SKAP1: variants seen among roughly 807,000 people sequenced by gnomAD.
The protein encoded by SKAP1 is src kinase associated phosphoprotein 1, also known as src kinase-associated phosphoprotein 1.
In SKAP1, 44 loss-of-function variants were observed where a neutral mutation model predicts 58.5. The observed-to-expected ratio is 0.75, with a 90% CI of 0.59 to 0.97. The LOEUF (loss-of-function observed/expected upper bound fraction) is 0.97, where lower values mean the gene tolerates loss of function less well. Among genes scored for constraint, SKAP1 ranks in the 50% least tolerant of loss-of-function variants. SKAP1 has a pLI of 0.00. For synonymous variants in SKAP1, 127 were observed against 149.7 expected (o/e 0.85, Z 1.11); for missense variants, 390 against 435.2 (o/e 0.90, Z 0.92).
intron 9 of SKAP1, among the ~76,000 whole-genome samples, chr17:48,172,653 C>A (rs1381829179): frequency 2.0e-5 from 3 of 152,158 alleles, no homozygotes; most frequent in Non-Finnish European, 4.4e-5. Context: ...ACTTTCCTTT[C>A]TCCTGAGTCT....
At chr17:48,281,699 T>C (rs2065768870) in intron 4 of SKAP1, among the ~76,000 whole-genome samples, 1 of 152,152 alleles carries the variant, frequency 6.6e-6, no homozygotes, top group South Asian at 2.1e-4. Context: ...AAACTTCTCT[T>C]ACCCATAAGT....
chr17:48,200,386 T>C (rs66683298), intron 4 of SKAP1, among the ~76,000 whole-genome samples: 80,431 of 151,622 alleles, frequency 0.53, 23,100 homozygotes, highest in East Asian at 0.77. Flanking sequence ...TTCTTTCTTT[T>C]TTTTTTTGAG....
intron 11 of SKAP1, among the ~76,000 whole-genome samples, chr17:48,138,243 C>T (rs1275535721): frequency 6.6e-6 from 1 of 151,294 alleles, no homozygotes; most frequent in East Asian, 1.9e-4. Flanking sequence ...CTCGCACTGT[C>T]GCCCAGGCTG....
At chr17:48,436,751 T>C in the SKAP1 span, among the ~76,000 whole-genome samples, 2 of 152,100 alleles carry the variant, frequency 1.3e-5, no homozygotes, top group African/African-American at 4.8e-5. Flanking sequence ...TCTCATGTCC[T>C]TTCTCCTCCG....
intron 4 of SKAP1, among the ~76,000 whole-genome samples, chr17:48,335,219 A>G (rs1435550607): frequency 6.6e-6 from 1 of 151,964 alleles, no homozygotes; most frequent in Non-Finnish European, 1.5e-5. Flanking sequence ...CCATATTTTC[A>G]TCAGAATGTG....
chr17:48,341,260 C>A (rs1270231485), intron 4 of SKAP1, among the ~76,000 whole-genome samples: 1 of 152,152 alleles, frequency 6.6e-6, no homozygotes, highest in African/African-American at 2.4e-5. Context: ...AAATTTAAGA[C>A]AAACTTGAAC....
intron 4 of SKAP1, among the ~76,000 whole-genome samples, chr17:48,202,544 C>A (rs1427149696): frequency 6.6e-6 from 1 of 152,100 alleles, no homozygotes; most frequent in African/African-American, 2.4e-5. Flanking sequence ...AAAGAAGTTA[C>A]AAATTCTAGA....
chr17:48,378,573 G>A (rs930062865), intron 2 of SKAP1, among the ~76,000 whole-genome samples: 1 of 151,886 alleles, frequency 6.6e-6, no homozygotes, highest in Non-Finnish European at 1.5e-5. Context: ...CCCGGCTCCC[G>A]TTCACACTCC....
intron 1 of SKAP1, among the ~76,000 whole-genome samples, chr17:48,414,035 T>C (rs1436324326): frequency 6.6e-6 from 1 of 152,196 alleles, no homozygotes; most frequent in Non-Finnish European, 1.5e-5. Flanking sequence ...GCATTTATTC[T>C]TCAAGAAATA....
At chr17:48,190,402 G>T (rs1324999427) in intron 4 of SKAP1, among the ~76,000 whole-genome samples, 1 of 152,126 alleles carries the variant, frequency 6.6e-6, no homozygotes, top group Non-Finnish European at 1.5e-5. Context: ...GTGAGCCACT[G>T]CGCCCAGCCA....
chr17:48,167,248 A>G (rs553990145), intron 10 of SKAP1, among the ~76,000 whole-genome samples: 2 of 152,320 alleles, frequency 1.3e-5, no homozygotes, highest in Non-Finnish European at 2.9e-5. Context: ...GAGGAGGAAG[A>G]GCAATTGGAT....
intron 4 of SKAP1, among the ~76,000 whole-genome samples, chr17:48,192,164 G>A (rs1478630826): frequency 1.4e-5 from 2 of 144,198 alleles, no homozygotes; most frequent in Admixed American, 7.3e-5. Flanking sequence ...TGGGGACAGA[G>A]CGAGACTCTG....
At chr17:48,430,469 G>C (rs1051815336), upstream of SKAP1, among the ~76,000 whole-genome samples, 13 of 152,252 alleles carry the variant, frequency 8.5e-5, no homozygotes, top group African/African-American at 2.6e-4. Flanking sequence ...AAGGACCCAC[G>C]GCTTTGGACA....
At chr17:48,322,608 A>C (rs1458000559) in intron 4 of SKAP1, among the ~76,000 whole-genome samples, 1 of 152,236 alleles carries the variant, frequency 6.6e-6, no homozygotes, top group Non-Finnish European at 1.5e-5. Context: ...GTGACAGAAC[A>C]AAAGCAAAGG....
intron 2 of SKAP1, among the ~76,000 whole-genome samples, chr17:48,386,089 G>C (rs904380343): frequency 6.6e-6 from 1 of 151,984 alleles, no homozygotes; most frequent in African/African-American, 2.4e-5. Flanking sequence ...TGGATGCCTT[G>C]GTTCTGTCTC....
chr17:48,405,448 T>TC (rs1295010251), intron 1 of SKAP1, among the ~76,000 whole-genome samples: 4,960 of 76,642 alleles, frequency 0.065, 153 homozygotes, highest in African/African-American at 0.08. Context: ...TTTCTTTCTT[T>TC]CTTTTCTTTC....
intron 2 of SKAP1, among the ~76,000 whole-genome samples, chr17:48,387,596 T>C (rs1389997300): frequency 2.0e-5 from 3 of 152,220 alleles, no homozygotes; most frequent in African/African-American, 7.2e-5. Context: ...CCCCTGAACA[T>C]GTTTTAGTGA....
At position 48,189,410 on chromosome 17, in the gene SKAP1, G is replaced by T; in HGVS notation, c.358+13C>A. On this transcript the variant is annotated intron_variant, in intron 5 of 12. Transcript: ENST00000336915. Reference sequence around the variant, plus strand: ...TCCTGGAATGTTCTGAAATCTGTGGGTCTGACCAATACCTTTGCTTTTCTT... The same window carrying T: ...TCCTGGAATGTTCTGAAATCTGTGGTTCTGACCAATACCTTTGCTTTTCTT... 6.3e-7 allele frequency: 1 copy of T among 1,599,966 alleles called. No individual in the cohort carries two copies. The highest frequency in any genetic ancestry group is 8.5e-7 in the Non-Finnish European group (1 of 1,170,486).
chr17:48,272,802 C>T (rs906684587), intron 4 of SKAP1, among the ~76,000 whole-genome samples: 3 of 152,146 alleles, frequency 2.0e-5, no homozygotes, highest in African/African-American at 7.2e-5. Context: ...AGCGATCCAC[C>T]CACCTTGGCC....
Sources: allele counts gnomAD v4.1 joint callset (sites outside exome capture counted in the v4.1 genomes callset), GRCh38; gene constraint gnomAD v4.1.1; transcripts MANE v1.5; gene names NCBI Gene and HGNC (gene_info 2026-07-23, HGNC 2026-07-21).